The following CACNG2 variants were observed in gnomAD, a reference collection of about 807,000 sequenced individuals.
CACNG2 encodes the protein calcium voltage-gated channel auxiliary subunit gamma 2, also known as voltage-dependent calcium channel gamma-2 subunit.
In CACNG2, 3 loss-of-function variants were observed where a neutral mutation model predicts 25.9. That is an observed-to-expected ratio of 0.12 (90% CI 0.05 to 0.30). The LOEUF (loss-of-function observed/expected upper bound fraction) is 0.30, where lower values mean the gene tolerates loss of function less well. Among genes scored for constraint, CACNG2 ranks in the 10% least tolerant of loss-of-function variants. The pLI is 1.00. For missense variants in CACNG2, 341 were observed against 432.5 expected, an observed-to-expected ratio of 0.79 and a Z score of 1.88; for synonymous variants, 167 against 173.3, an observed-to-expected ratio of 0.96 and a Z score of 0.29.
chr22:36,700,008 C>T (rs2146022216), intron 1 of CACNG2, among the ~76,000 whole-genome samples: 1 of 152,388 alleles, frequency 6.6e-6, no homozygotes, highest in Non-Finnish European at 1.5e-5. Flanking sequence ...AGCTCCAGCC[C>T]TTCCTGCCCT....
Position 36,660,561 on chromosome 22 carries a change from C to T in CACNG2, c.211+41805G>A, listed in dbSNP as rs1287283811. ...GAGGAATTGAGCACACTGCGCTGAG[C>T]TCCCCTCAACACAAAGACGCTGCTA... On this transcript the variant is annotated intron_variant, in intron 1 of 3. Coordinates refer to ENST00000300105, the MANE Select transcript of CACNG2 (RefSeq NM_006078.5). Among the ~76,000 whole-genome samples, 3 of 152,382 alleles carry T rather than the reference C, an allele frequency of 2.0e-5. No individual in the cohort carries two copies. In the East Asian group the frequency reaches 5.8e-4, roughly 29 times the overall value.
intron 1 of CACNG2, among the ~76,000 whole-genome samples, chr22:36,635,680 T>C (rs1936346774): frequency 6.6e-6 from 1 of 152,120 alleles, no homozygotes. Context: ...GAGTTTCCCG[T>C]ATCTCCAACT....
At chr22:36,567,493 G>A (rs1351837191) in intron 2 of CACNG2, among the ~76,000 whole-genome samples, 1 of 152,036 alleles carries the variant, frequency 6.6e-6, no homozygotes, top group Non-Finnish European at 1.5e-5. Flanking sequence ...AACCCCTCTA[G>A]ATAAGGACTG....
intron 2 of CACNG2, among the ~76,000 whole-genome samples, chr22:36,578,512 G>T (rs1935362657): frequency 6.6e-6 from 1 of 152,190 alleles, no homozygotes; most frequent in African/African-American, 2.4e-5. Context: ...TGTGTAACTT[G>T]CCAAAGGTCA....
chr22:36,634,403 G>C (rs1245976352), intron 1 of CACNG2, among the ~76,000 whole-genome samples: 2 of 152,210 alleles, frequency 1.3e-5, no homozygotes, highest in African/African-American at 4.8e-5. Context: ...TGGAGACAGT[G>C]GAGCTGTAAG....
chr22:36,566,528 G>C (rs1192999310), intron 2 of CACNG2, 35 bp from the exon 3 acceptor site: 1 of 1,612,848 alleles, frequency 6.2e-7, no homozygotes, highest in Non-Finnish European at 8.5e-7. Flanking sequence ...GAAAGAGAAC[G>C]GCATGGCTGT....
chr22:36,689,979 C>A (rs1301775083), intron 1 of CACNG2, among the ~76,000 whole-genome samples: 1 of 152,264 alleles, frequency 6.6e-6, no homozygotes, highest in Non-Finnish European at 1.5e-5. Context: ...ATCTTATCAA[C>A]AGGCCCTGCT....
At position 36,564,872 on chromosome 22, in the gene CACNG2, T is replaced by C. The variant is rs756141007; in HGVS notation, c.451A>G (p.Ile151Val). 1.4e-5 allele frequency: 23 copies of C among 1,613,124 alleles called. No individual in the cohort carries two copies. The highest frequency in any genetic ancestry group is 1.9e-5 in the Non-Finnish European group (23 of 1,179,904). Residue 151 changes from isoleucine to valine, a missense_variant, in exon 4 of 4, where the codon ATT becomes GTT. Physicochemically the swap from Ile to Val is conservative, Grantham distance 29. Coordinates refer to ENST00000300105, the MANE Select transcript of CACNG2 (RefSeq NM_006078.5). The surrounding 1 kb of genome is among the most constrained non-coding windows in gnomAD (Gnocchi z 6.7). Reference protein sequence around the residue: ...FFVSAGLSNIIGIIVYISANA... With the variant: ...FFVSAGLSNIVGIIVYISANA... Reference sequence around the variant, plus strand: ...GCAGATATGTACACTATGATGCCAATGATGTTACTCAGACCTGCGGGGCGC... The same window carrying C: ...GCAGATATGTACACTATGATGCCAACGATGTTACTCAGACCTGCGGGGCGC...
At chr22:36,625,021 T>G (rs1157250137) in intron 1 of CACNG2, among the ~76,000 whole-genome samples, 1 of 7,974 alleles carries the variant, frequency 1.3e-4, no homozygotes, top group Non-Finnish European at 2.4e-4. Flanking sequence ...AGTGAGACTC[T>G]GTCTCAAAAA....
intron 1 of CACNG2, among the ~76,000 whole-genome samples, chr22:36,594,034 G>T (rs1342616386): frequency 6.6e-6 from 1 of 152,168 alleles, no homozygotes; most frequent in Non-Finnish European, 1.5e-5. Context: ...CCAGCCTAGG[G>T]TTCCATTGTA....
At chr22:36,695,150 A>G (rs1260767744) in intron 1 of CACNG2, among the ~76,000 whole-genome samples, 2 of 152,142 alleles carry the variant, frequency 1.3e-5, no homozygotes, top group Non-Finnish European at 2.9e-5. Flanking sequence ...CTCGAGTTCA[A>G]GGCTGCAGTG....
chr22:36,578,089 C>T (rs763242080), intron 2 of CACNG2, among the ~76,000 whole-genome samples: 2 of 151,906 alleles, frequency 1.3e-5, no homozygotes, highest in African/African-American at 2.4e-5. Context: ...GGGCTGGGTG[C>T]GGTAGCTCAC....
intron 1 of CACNG2, among the ~76,000 whole-genome samples, chr22:36,694,993 A>C (rs928956854): frequency 7.9e-5 from 12 of 152,122 alleles, no homozygotes; most frequent in African/African-American, 2.9e-4. Context: ...AGGTCAGAGG[A>C]TCACTGGAGG....
chr22:36,670,997 C>A (rs1270252746), intron 1 of CACNG2, among the ~76,000 whole-genome samples: 1 of 151,674 alleles, frequency 6.6e-6, no homozygotes, highest in Non-Finnish European at 1.5e-5. Context: ...TGGCTCACTG[C>A]AACCTCTGCC....
At chr22:36,608,143 C>A (rs1210167556) in intron 1 of CACNG2, among the ~76,000 whole-genome samples, 1 of 152,086 alleles carries the variant, frequency 6.6e-6, no homozygotes, top group African/African-American at 2.4e-5. Context: ...GGAGGGGTAC[C>A]AACAGAGGGG....
chr22:36,653,069 C>A (rs781313101), intron 1 of CACNG2, among the ~76,000 whole-genome samples: 10 of 152,076 alleles, frequency 6.6e-5, no homozygotes, highest in Non-Finnish European at 1.0e-4. Flanking sequence ...TGCCTGTAAT[C>A]CCAACATTTT....
chr22:36,588,112 AG>A (rs1190906773), intron 1 of CACNG2, among the ~76,000 whole-genome samples: 9 of 152,172 alleles, frequency 5.9e-5, no homozygotes, highest in African/African-American at 1.9e-4. Flanking sequence ...GAGGAAGTTG[AG>A]CCCCCTGGGG....
chr22:36,669,520 A>G (rs1936920576), intron 1 of CACNG2, among the ~76,000 whole-genome samples: 1 of 151,006 alleles, frequency 6.6e-6, no homozygotes, highest in South Asian at 2.1e-4. Context: ...AAAAAAAAAA[A>G]AAAAAAAAAA....
intron 2 of CACNG2, among the ~76,000 whole-genome samples, chr22:36,576,304 C>A (rs1251703284): frequency 1.3e-5 from 2 of 152,132 alleles, no homozygotes; most frequent in African/African-American, 2.4e-5. Context: ...TATGTTCTCA[C>A]TCATAAGTGG....
Sources: allele counts gnomAD v4.1 joint callset (sites outside exome capture counted in the v4.1 genomes callset), GRCh38; gene constraint gnomAD v4.1.1; non-coding constraint Gnocchi (gnomAD v3.1); transcripts MANE v1.5; gene names NCBI Gene and HGNC (gene_info 2026-07-23, HGNC 2026-07-21).